The following ITGB7 variants were observed in gnomAD, a reference collection of about 807,000 sequenced individuals.
ITGB7 encodes the protein integrin subunit beta 7.
ITGB7 carries 55 observed loss-of-function variants against 83.4 expected under a neutral mutation model. That is an observed-to-expected ratio of 0.66 (90% CI 0.53 to 0.83). The LOEUF (loss-of-function observed/expected upper bound fraction) is 0.83, where lower values mean the gene tolerates loss of function less well. Ranked by LOEUF, ITGB7 falls within the 40% of genes least tolerant of loss-of-function variation. ITGB7 has a pLI of 0.00. For missense variants in ITGB7, 921 were observed against 1,046.7 expected, an observed-to-expected ratio of 0.88 and a Z score of 1.66; for synonymous variants, 454 against 423.6, an observed-to-expected ratio of 1.07 and a Z score of -0.88.
intron 14 of ITGB7, 78 bp from the exon 15 acceptor site, chr12:53,192,097 C>T: frequency 6.7e-7 from 1 of 1,485,822 alleles, no homozygotes; most frequent in Non-Finnish European, 9.1e-7. Context: ...GTGTGTCCAG[C>T]CTGTCCAACC....
chr12:53,192,865 C>A lies in ITGB7; in HGVS notation c.1772G>T (p.Arg591Leu), dbSNP rs139299757. 7 of 1,614,078 alleles carry A rather than the reference C, an allele frequency of 4.3e-6. No individual in the cohort carries two copies. The South Asian group carries it at 7.7e-5, about 18-fold the overall frequency. ...ACTGCATTCGCATGCTCTGCCCGTG[C>A]GGTTGGCATGACAGTGACATACTCC... is the stretch of plus-strand genomic sequence containing the variant. The part of the protein sequence containing the change: ...QCGVCHCHAN[R>L]TGRACECSGD... The change falls in exon 13 of 16, where the codon CGC becomes CTC. Residue 591 changes from arginine to leucine, a missense_variant. Transcript: ENST00000267082.
In ITGB7 at chr12:53,197,210, TAGGCCCAGGGCAGCTGTCC is replaced by T. The variant is rs368803981; in HGVS notation, c.574+264_574+282del. The T allele has an allele frequency of 9.2e-5, 52 of 566,742 alleles. 1 individual carries two copies. The highest frequency in any genetic ancestry group is 8.1e-4 in the African/African-American group (43 of 53,376). 35.1% of individuals were successfully genotyped at this position (566,742 alleles called of 1,614,324 possible). ...TGCATCAGGGCAGGTTCCAGGTTGG[TAGGCCCAGGGCAGCTGTCC>T]AGGCCCAGAGAGTGCCTGAGCACAG... On this transcript the variant is annotated intron_variant, in intron 5 of 15. Transcript: ENST00000267082.
At chr12:53,196,008 A>C in intron 7 of ITGB7, 33 bp downstream of exon 7, 1 of 1,608,336 alleles carries the variant, frequency 6.2e-7, no homozygotes, top group Non-Finnish European at 8.5e-7. Context: ...TGTGGCTGAA[A>C]TGGGGAGAGG....
chr12:53,192,983 C>T (rs989532013), intron 12 of ITGB7, 73 bp from the exon 13 acceptor site: 12 of 1,469,948 alleles, frequency 8.2e-6, no homozygotes, highest in Admixed American at 1.8e-5. Flanking sequence ...GCACGACAAG[C>T]CCACGCATCC....
In ITGB7 at chr12:53,196,573, C is replaced by A. The variant is rs1250828706; in HGVS notation, c.816+6G>T. 6.2e-7 allele frequency: 1 copy of A among 1,605,352 alleles called. No individual in the cohort carries two copies. Among genetic ancestry groups the A allele is most frequent in the East Asian group, 2.2e-5 (1 of 44,604 alleles). ...CCAGGCTCAGATCCCCGCCCCACCT[C>A]CTCACCTGGCAGAGTGCAGCCTGCA... On this transcript the variant is annotated splice_donor_region_variant and intron_variant, in intron 6 of 15. Coordinates refer to ENST00000267082, the MANE Select transcript of ITGB7 (RefSeq NM_000889.3).
chr12:53,200,111 A>C, intron 3 of ITGB7, 132 bp downstream of exon 3: 1 of 768,270 alleles, frequency 1.3e-6, no homozygotes, highest in Non-Finnish European at 2.1e-6. Flanking sequence ...TCAGTCACAC[A>C]TGAGACTGTG....
At chr12:53,201,820 G>A (rs1466296118) in intron 1 of ITGB7, among the ~76,000 whole-genome samples, 2 of 152,160 alleles carry the variant, frequency 1.3e-5, no homozygotes, top group Non-Finnish European at 2.9e-5. Context: ...AAGACAGCTT[G>A]AACCCAGTAG....
At chr12:53,193,101 C>T (rs776253388) in intron 12 of ITGB7, 39 bp downstream of exon 12, 1 of 1,550,136 alleles carries the variant, frequency 6.5e-7, no homozygotes, top group Non-Finnish European at 8.8e-7. Context: ...CTTGGGAAGG[C>T]CTCTCAGACC....
intron 12 of ITGB7, 83 bp downstream of exon 12, chr12:53,193,057 C>G (rs866968031): frequency 1.4e-6 from 2 of 1,417,398 alleles, no homozygotes; most frequent in Middle Eastern, 3.6e-4. Flanking sequence ...TGATATTTGC[C>G]TTCCATGCCA....
chr12:53,197,022 G>A, intron 5 of ITGB7: 1 of 611,888 alleles, frequency 1.6e-6, no homozygotes, highest in Middle Eastern at 4.4e-4. Context: ...TTAAGAGGAG[G>A]ACACAACTTC....
At chr12:53,206,143 C>G (rs1055240817) in intron 1 of ITGB7, among the ~76,000 whole-genome samples, 7 of 152,184 alleles carry the variant, frequency 4.6e-5, no homozygotes, top group African/African-American at 1.7e-4. Context: ...TTCTCCCCTC[C>G]TTGAGAATAC....
intron 9 of ITGB7, 77 bp downstream of exon 9, chr12:53,195,296 TG>T: frequency 9.9e-7 from 1 of 1,012,092 alleles, no homozygotes; most frequent in Non-Finnish European, 1.6e-6. Flanking sequence ...CTCTTAGTTC[TG>T]CCACCCCACC....
chr12:53,197,301 G>C, intron 5 of ITGB7, 192 bp downstream of exon 5: 1 of 677,940 alleles, frequency 1.5e-6, no homozygotes, highest in Non-Finnish European at 2.7e-6. Context: ...ATAGTCTCTT[G>C]AGTCCTCTCC....
intron 1 of ITGB7, among the ~76,000 whole-genome samples, chr12:53,202,503 C>T (rs1267563890): frequency 1.3e-5 from 2 of 151,876 alleles, no homozygotes; most frequent in Non-Finnish European, 2.9e-5. Flanking sequence ...TACAGGCATG[C>T]GCCACCACAC....
chr12:53,192,702 G>A lies in ITGB7; in HGVS notation c.1935C>T (p.Cys645=), dbSNP rs772615225. Reference sequence around the variant, plus strand: ...ACCTGAGGCCTCACCGGTGTCTCTCGCATGGTGTCTTGCAGCCTGGGCATT... The same window carrying A: ...ACCTGAGGCCTCACCGGTGTCTCTCACATGGTGTCTTGCAGCCTGGGCATT... ...CDQCPGCKTP[C]ERHRDCAECG... The change falls in exon 13 of 16, where the codon TGC becomes TGT. Residue 645 remains cysteine, a synonymous_variant. Coordinates refer to ENST00000267082, the MANE Select transcript of ITGB7 (RefSeq NM_000889.3). 15 of 1,613,752 alleles carry A rather than the reference G, an allele frequency of 9.3e-6. No homozygotes were observed. Among genetic ancestry groups the A allele is most frequent in the African/African-American group, 4.0e-5 (3 of 75,052 alleles).
intron 12 of ITGB7, 34 bp from the exon 13 acceptor site, chr12:53,192,944 A>G (rs1489400231): frequency 6.3e-7 from 1 of 1,593,950 alleles, no homozygotes; most frequent in African/African-American, 1.3e-5. Flanking sequence ...TGACAACCAT[A>G]CTCCACACAC....
chr12:53,196,940 G>A (rs891846484), intron 5 of ITGB7, 120 bp from the exon 6 acceptor site: 81 of 1,194,072 alleles, frequency 6.8e-5, no homozygotes, highest in Non-Finnish European at 9.4e-5. Flanking sequence ...GTGCACCTAG[G>A]GGGCAGGGAC....
At chr12:53,196,930 GT>G in intron 5 of ITGB7, 110 bp from the exon 6 acceptor site, 1 of 1,306,620 alleles carries the variant, frequency 7.7e-7, no homozygotes, top group Non-Finnish European at 1.1e-6. Context: ...ATGGGAGAGG[GT>G]GCACCTAGGG....
chr12:53,199,059 T>G (rs1942258729), intron 3 of ITGB7, among the ~76,000 whole-genome samples: 1 of 152,192 alleles, frequency 6.6e-6, no homozygotes, highest in South Asian at 2.1e-4. Context: ...TCAGATTCAC[T>G]GTGTGCCTTT....
Sources: gnomAD v4.1 joint callset for allele counts (sites outside exome capture counted in the v4.1 genomes callset) on GRCh38, gnomAD v4.1.1 for gene constraint, MANE v1.5 for transcripts, NCBI Gene and HGNC (gene_info 2026-07-23, HGNC 2026-07-21) for gene names.